Variants in CAMTA1 observed in about 807,000 individuals in gnomAD.
CAMTA1 encodes calmodulin-binding transcription activator 1.
CAMTA1 carries 27 observed loss-of-function variants against 170.9 expected under a neutral mutation model. The ratio of observed to expected loss-of-function variants is 0.16; its 90% CI spans 0.12 to 0.22. The LOEUF is 0.22. Ranked by LOEUF, CAMTA1 falls within the 10% of genes least tolerant of loss-of-function variation. CAMTA1 has a pLI of 1.00. For missense variants in CAMTA1, 1,619 were observed against 2,217.2 expected (o/e 0.73, Z 5.42); for synonymous variants, 833 against 891.5 (o/e 0.93, Z 1.17).
intron 5 of CAMTA1, among the ~76,000 whole-genome samples, chr1:7,290,966 C>A (rs1329713741): frequency 6.6e-6 from 1 of 152,120 alleles, no homozygotes; most frequent in African/African-American, 2.4e-5. Context: ...CTCTCAGTGG[C>A]AGAATGGGAA....
intron 3 of CAMTA1, among the ~76,000 whole-genome samples, chr1:6,957,688 A>C (rs1474336975): frequency 6.6e-6 from 1 of 152,158 alleles, no homozygotes; most frequent in Non-Finnish European, 1.5e-5. Context: ...CACTAAGGTG[A>C]TTGTTTCCAT....
chr1:6,943,846 C>CAAAAAAAAA (rs1198830005), intron 3 of CAMTA1, among the ~76,000 whole-genome samples: 1 of 51,694 alleles, frequency 1.9e-5, no homozygotes. Flanking sequence ...GACTCTGTCT[C>CAAAAAAAAA]AAAAAAAAAA....
chr1:6,904,498 C>A (rs187477067), intron 3 of CAMTA1, among the ~76,000 whole-genome samples: 189 of 151,376 alleles, frequency 1.2e-3, no homozygotes, highest in African/African-American at 4.5e-3. Flanking sequence ...ACACCCACAT[C>A]TATATCTTTA....
chr1:7,182,135 C>T (rs760566267), intron 4 of CAMTA1, among the ~76,000 whole-genome samples: 3 of 151,890 alleles, frequency 2.0e-5, no homozygotes, highest in African/African-American at 2.4e-5. Flanking sequence ...TACATTGTTC[C>T]GGGATGACCA....
At chr1:7,679,750 A>C (rs2096167753) in intron 11 of CAMTA1, among the ~76,000 whole-genome samples, 1 of 152,204 alleles carries the variant, frequency 6.6e-6, no homozygotes, top group Non-Finnish European at 1.5e-5. Context: ...CAGCTAGGGG[A>C]ACAGTAGCTC....
At chr1:7,028,639 C>T (rs1404351678) in intron 3 of CAMTA1, among the ~76,000 whole-genome samples, 1 of 152,230 alleles carries the variant, frequency 6.6e-6, no homozygotes, top group African/African-American at 2.4e-5. Context: ...CTCCCTGGAG[C>T]ACTGTCCATT....
chr1:6,877,135 G>A (rs1271240439), intron 3 of CAMTA1, among the ~76,000 whole-genome samples: 1 of 152,228 alleles, frequency 6.6e-6, no homozygotes, highest in African/African-American at 2.4e-5. Flanking sequence ...CATAGCTGCT[G>A]CGATTAACTG....
chr1:7,590,975 A>G (rs2095351271), intron 6 of CAMTA1, among the ~76,000 whole-genome samples: 1 of 152,218 alleles, frequency 6.6e-6, no homozygotes, highest in African/African-American at 2.4e-5. Flanking sequence ...TGCACGGAAC[A>G]GATAGGACTG....
At chr1:6,807,912 A>T (rs1411082857) in intron 1 of CAMTA1, among the ~76,000 whole-genome samples, 3 of 151,892 alleles carry the variant, frequency 2.0e-5, no homozygotes, top group Non-Finnish European at 4.4e-5. Flanking sequence ...AGGGAAGCAG[A>T]TATGGATGTA....
intron 3 of CAMTA1, among the ~76,000 whole-genome samples, chr1:6,979,466 T>C (rs1273031510): frequency 1.3e-5 from 2 of 152,216 alleles, no homozygotes; most frequent in Non-Finnish European, 2.9e-5. Context: ...GCAGCCCTTG[T>C]TGGATTCCTG....
chr1:7,574,537 G>A (rs114856595), intron 6 of CAMTA1, among the ~76,000 whole-genome samples: 175 of 152,268 alleles, frequency 1.1e-3, no homozygotes, highest in African/African-American at 4.2e-3. Flanking sequence ...CTCTGCTAAC[G>A]CTCACTGGGC....
intron 4 of CAMTA1, among the ~76,000 whole-genome samples, chr1:7,104,301 C>T (rs964789016): frequency 1.3e-5 from 2 of 151,992 alleles, no homozygotes; most frequent in Admixed American, 6.6e-5. Flanking sequence ...CAACACAATG[C>T]ATGCATGCAG....
In CAMTA1 at chr1:7,478,858, T is replaced by C. The variant is rs138989257; in HGVS notation, c.510+10957T>C. Among the ~76,000 whole-genome samples the C allele has an allele frequency of 1.8e-3, 274 of 152,330 alleles. 4 individuals are homozygous for C. The highest frequency in any genetic ancestry group is 6.4e-3 in the African/African-American group (266 of 41,580). ...CTTTTCATGTAATCTTCAGCTGACA[T>C]TGTGTCCTTAATATTCTAATCTCCT... On this transcript the variant is annotated intron_variant, in intron 6 of 22. Transcript: ENST00000303635.
chr1:7,386,569 T>G (rs2088016141), intron 5 of CAMTA1, among the ~76,000 whole-genome samples: 1 of 152,106 alleles, frequency 6.6e-6, no homozygotes. Context: ...TGCCAAGGCC[T>G]CCTCCTACGC....
intron 3 of CAMTA1, among the ~76,000 whole-genome samples, chr1:6,945,068 G>A (rs2149448357): frequency 6.6e-6 from 1 of 152,152 alleles, no homozygotes; most frequent in East Asian, 1.9e-4. Flanking sequence ...GAGAGGGCAG[G>A]GATCTTGTGT....
intron 11 of CAMTA1, among the ~76,000 whole-genome samples, chr1:7,678,010 G>A (rs991875154): frequency 1.3e-5 from 2 of 152,236 alleles, no homozygotes; most frequent in Admixed American, 6.5e-5. Flanking sequence ...TGGCACGCCT[G>A]CTGGGCTGTC....
At chr1:7,077,902 T>G (rs1303301677) in intron 3 of CAMTA1, among the ~76,000 whole-genome samples, 4 of 152,104 alleles carry the variant, frequency 2.6e-5, no homozygotes, top group African/African-American at 9.7e-5. Flanking sequence ...TCCAAAGGGC[T>G]GTATTGGTTA....
In CAMTA1 at chr1:6,919,965, A is replaced by T. The variant is rs186118941; in HGVS notation, c.234+94755A>T. Among the ~76,000 whole-genome samples the T allele has an allele frequency of 3.3e-3, 501 of 152,018 alleles. 4 individuals carry two copies. The highest frequency in any genetic ancestry group is 0.011 in the African/African-American group (436 of 41,476). ...GATTTGGGTGGGGACACAGAGCTAA[A>T]CCATATCATTCCTCCCCTGGTCCCT... On this transcript the variant is annotated intron_variant, in intron 3 of 22. Transcript: ENST00000303635.
chr1:7,289,781 G>GGGAT (rs1300261474), intron 5 of CAMTA1, among the ~76,000 whole-genome samples: 51 of 152,278 alleles, frequency 3.3e-4, no homozygotes. Context: ...AGAGACTGGA[G>GGGAT]GGATGTGTCT....
Sources: gnomAD v4.1 joint callset for allele counts (sites outside exome capture counted in the v4.1 genomes callset) on GRCh38, gnomAD v4.1.1 for gene constraint, MANE v1.5 for transcripts, NCBI Gene and HGNC (gene_info 2026-07-23, HGNC 2026-07-21) for gene names.